The following ALDH4A1 variants were observed in gnomAD, a reference collection of about 807,000 sequenced individuals.
ALDH4A1 encodes delta-1-pyrroline-5-carboxylate dehydrogenase, mitochondrial.
ALDH4A1 carries 46 observed loss-of-function variants against 70.5 expected under a neutral mutation model. The ratio of observed to expected loss-of-function variants is 0.65; its 90% CI spans 0.51 to 0.83. ALDH4A1 has a LOEUF of 0.83. Among genes scored for constraint, ALDH4A1 ranks in the 40% least tolerant of loss-of-function variants. The probability of loss-of-function intolerance (pLI) is 0.00; values close to 1 mark genes in which losing one functional copy is unlikely to be tolerated. For missense variants in ALDH4A1, 749 were observed against 766.5 expected, an observed-to-expected ratio of 0.98 and a Z score of 0.27; for synonymous variants, 323 against 324.3, an observed-to-expected ratio of 1.00 and a Z score of 0.04.
chr1:18,874,443 G>C lies in ALDH4A1; in HGVS notation c.1579+20C>G. 1 of 1,608,524 alleles carries C rather than the reference G, an allele frequency of 6.2e-7. No homozygotes were observed. The highest frequency in any genetic ancestry group is 8.5e-7 in the Non-Finnish European group (1 of 1,175,478). On this transcript the variant is annotated intron_variant, in intron 14 of 14. Coordinates refer to ENST00000375341, the MANE Select transcript of ALDH4A1 (RefSeq NM_003748.4). Reference sequence around the variant, plus strand: ...CCCACCAGGAACTCAGCTCCCCTGTGGGAAGGGGGACCCACTCACCAGAGG... The same window carrying C: ...CCCACCAGGAACTCAGCTCCCCTGTCGGAAGGGGGACCCACTCACCAGAGG...
intron 3 of ALDH4A1, among the ~76,000 whole-genome samples, chr1:18,887,288 C>A (rs1010458461): frequency 1.3e-5 from 2 of 152,268 alleles, no homozygotes; most frequent in Non-Finnish European, 2.9e-5. Context: ...GCAAGGCGGA[C>A]GAAGGCCCAC....
rs1449839557 is a variant in ALDH4A1, at chr1:18,902,453, C to A, written c.62+9G>T. 1 of 1,364,302 alleles carries A rather than the reference C, an allele frequency of 7.3e-7. No individual in the cohort carries two copies. The highest frequency in any genetic ancestry group is 9.4e-7 in the Non-Finnish European group (1 of 1,060,142). 84.5% of individuals were successfully genotyped at this position (1,364,302 alleles called of 1,614,324 possible). A position where few individuals can be genotyped will look rare whatever the true frequency, so the allele number is the denominator to read the frequency against. ...CGCTCGGGCCGCCCCGGGCCCCGTGCTCACTCACCCGGCCCCGGTCCAGGG... is the reference window on the plus strand; with the variant it reads ...CGCTCGGGCCGCCCCGGGCCCCGTGATCACTCACCCGGCCCCGGTCCAGGG... On this transcript the variant is annotated intron_variant, in intron 1 of 14. Transcript: ENST00000375341.
Position 18,887,327 on chromosome 1 carries a change from C to T in ALDH4A1, c.250-816G>A, listed in dbSNP as rs116368565. On this transcript the variant is annotated intron_variant, in intron 3 of 14. Transcript: ENST00000375341. ...AAGAAACTTCCCTGTTGGCCGGGCG[C>T]GGTGGCTCACACCTGTGATCCCAGC... 8.2e-3 allele frequency among the ~76,000 whole-genome samples: 1,249 copies of T among 152,344 alleles called. 17 individuals carry two copies. The highest frequency in any genetic ancestry group is 0.027 in the Middle Eastern group (8 of 294).
chr1:18,901,929 T>TG (rs1330060438), intron 1 of ALDH4A1, among the ~76,000 whole-genome samples: 1 of 116,994 alleles, frequency 8.5e-6, no homozygotes, highest in Non-Finnish European at 1.7e-5. Context: ...ACATTTAACT[T>TG]GAAAAAAAAA....
At chr1:18,889,313 G>T in intron 3 of ALDH4A1, 49 bp downstream of exon 3, 1 of 1,488,422 alleles carries the variant, frequency 6.7e-7, no homozygotes, top group African/African-American at 1.4e-5. Flanking sequence ...AGAGAAAGAG[G>T]TCACATATTC....
intron 1 of ALDH4A1, among the ~76,000 whole-genome samples, chr1:18,894,782 C>T (rs1241098755): frequency 6.6e-6 from 1 of 151,182 alleles, no homozygotes; most frequent in Non-Finnish European, 1.5e-5. Context: ...GACACTAGTT[C>T]AAAGTTCAGC....
intron 7 of ALDH4A1, chr1:18,882,441 C>T: frequency 2.3e-6 from 1 of 443,504 alleles, no homozygotes; most frequent in Non-Finnish European, 4.6e-6. Context: ...TGTCTGGGAG[C>T]TGGGCTGCAC....
chr1:18,885,692 G>C, intron 4 of ALDH4A1, 64 bp from the exon 5 acceptor site: 1 of 1,605,844 alleles, frequency 6.2e-7, no homozygotes, highest in Non-Finnish European at 8.5e-7. Context: ...GGGAGTGAGC[G>C]AGGGAGGAGA....
intron 13 of ALDH4A1, 100 bp from the exon 14 acceptor site, chr1:18,874,681 G>C (rs1036609862): frequency 1.6e-6 from 2 of 1,232,692 alleles, no homozygotes; most frequent in Non-Finnish European, 2.4e-6. Context: ...TGGCTTTCCA[G>C]GTTCAACAGG....
Position 18,897,085 on chromosome 1 carries a change from T to C in ALDH4A1, c.62+5377A>G, listed in dbSNP as rs761060305. 1.9e-5 allele frequency: 10 copies of C among 534,296 alleles called. No individual in the cohort carries two copies. The African/African-American group carries it at 1.9e-4, about 10-fold the overall frequency. 33.1% of individuals were successfully genotyped at this position (534,296 alleles called of 1,614,324 possible). A position where few individuals can be genotyped will look rare whatever the true frequency, so the allele number is the denominator to read the frequency against. On this transcript the variant is annotated intron_variant, in intron 1 of 14. Transcript: ENST00000375341. ...CGCATGACAAGTTGAGCATCCCTGA[T>C]CCAAAAATCCAAAATCCGAAATGTT...
At chr1:18,885,442 C>CCCCCCCCCCCCCCCCCCCCCCCCCCACCA in intron 5 of ALDH4A1, 31 bp downstream of exon 5, 1 of 742,426 alleles carries the variant, frequency 1.3e-6, no homozygotes, top group East Asian at 2.9e-5. Context: ...CCCCACCCCG[C>CCCCCCCCCCCCCCCCCCCCCCCCCCACCA]CCCACCCACC....
At chr1:18,901,377 A>C (rs777451618) in intron 1 of ALDH4A1, among the ~76,000 whole-genome samples, 1 of 152,238 alleles carries the variant, frequency 6.6e-6, no homozygotes, top group Non-Finnish European at 1.5e-5. Flanking sequence ...GAAAGGGCAC[A>C]GCTCATCAGG....
At position 18,883,303 on chromosome 1, in the gene ALDH4A1, G is replaced by T; in HGVS notation, c.579C>A (p.Asn193Lys). 6.2e-7 allele frequency: 1 copy of T among 1,613,298 alleles called. No homozygotes were observed. ...CCTCCAGACCCCGGTACACCGTGCT[G>T]TTGGTGCTCGGGGGCACGCTGATGG... ...QQPISVPPST[N>K]STVYRGLEGF... is the part of the protein sequence containing the mutation. Residue 193 changes from asparagine to lysine, a missense_variant, in exon 6 of 15, where the codon AAC becomes AAA. By Grantham distance (94) the Asn-to-Lys change is moderately conservative. Transcript: ENST00000375341.
At chr1:18,877,641 C>T (rs779200944) in intron 9 of ALDH4A1, 29 bp from the exon 10 acceptor site, 4 of 1,435,812 alleles carry the variant, frequency 2.8e-6, no homozygotes, top group Non-Finnish European at 3.9e-6. Context: ...GGGAAATGAC[C>T]AGAGGAGCTG....
chr1:18,893,584 C>A (rs1935517748), intron 1 of ALDH4A1, among the ~76,000 whole-genome samples: 1 of 152,044 alleles, frequency 6.6e-6, no homozygotes, highest in Non-Finnish European at 1.5e-5. Context: ...CTCACTGCAA[C>A]CTCCGCCTCC....
rs1377587407 is a variant in ALDH4A1, at chr1:18,898,011, G to A, written c.62+4451C>T. Among the ~76,000 whole-genome samples the A allele has an allele frequency of 6.6e-6, 1 of 152,066 alleles. No homozygotes were observed. Among genetic ancestry groups the A allele is most frequent in the Admixed American group, 6.6e-5 (1 of 15,266 alleles). The stretch of plus-strand genomic sequence containing the variant: ...AAGTCTTTTCCATCCCCTGAGGTGA[G>A]CAGGGTCAAAACCCTAACAGAAGGT... On this transcript the variant is annotated intron_variant, in intron 1 of 14. Transcript: ENST00000375341. This position sits in a 1 kb window ranked among gnomAD's most constrained non-coding sequence, Gnocchi z 4.3.
rs200711248 is a variant in ALDH4A1 at position 18,874,480 on chromosome 1, C to T, written c.1562G>A (p.Gly521Glu). 6 of 1,613,970 alleles carry T rather than the reference C, an allele frequency of 3.7e-6. No individual in the cohort carries two copies. Among genetic ancestry groups the T allele is most frequent in the African/African-American group, 2.7e-5 (2 of 74,932 alleles). ...CCACTCACCAGAGGCTCGGGCCCCC[C>T]CAAAGGGCTGCTGGCCCACTATCGA... ...TGSIVGQQPF[G>E]GARASGTNDK... is the part of the protein sequence containing the mutation. The change falls in exon 14 of 15, where the codon GGG becomes GAG. Residue 521 changes from glycine to glutamate, a missense_variant. Coordinates refer to ENST00000375341, the MANE Select transcript of ALDH4A1 (RefSeq NM_003748.4).
rs1296370076 is a variant in ALDH4A1 at position 18,886,503 on chromosome 1, G to T, written c.258C>A (p.Asn86Lys). ...SDVQYQVSPF[N>K]HGHKVAKFCY... Reference sequence around the variant, plus strand: ...AGAACTTGGCCACCTTATGTCCATGGTTAAAAGGCTGAAAGGAGAGAAGAG... The same window carrying T: ...AGAACTTGGCCACCTTATGTCCATGTTTAAAAGGCTGAAAGGAGAGAAGAG... The change falls in exon 4 of 15, where the codon AAC (asparagine) becomes AAA (lysine). Residue 86 changes from asparagine (N) to lysine (K), a missense_variant. Physicochemically the swap from Asn to Lys is moderately conservative, Grantham distance 94 (BLOSUM62 0). Transcript: ENST00000375341. The T allele has an allele frequency of 2.5e-6, 4 of 1,614,142 alleles. No homozygotes were observed. The Admixed American group carries it at 6.7e-5, about 27-fold the overall frequency.
chr1:18,874,313 G>A, intron 14 of ALDH4A1, 150 bp downstream of exon 14: 2 of 744,010 alleles, frequency 2.7e-6, no homozygotes, highest in South Asian at 1.6e-5. Context: ...CGAGTTTGCT[G>A]AAAGGACCCT....
Sources: gnomAD v4.1 joint callset for allele counts (sites outside exome capture counted in the v4.1 genomes callset) on GRCh38, gnomAD v4.1.1 for gene constraint, Gnocchi (gnomAD v3.1) non-coding constraint, MANE v1.5 for transcripts, NCBI Gene and HGNC (gene_info 2026-07-23, HGNC 2026-07-21) for gene names.